Variants in WIPF3 observed in about 807,000 individuals in gnomAD.
The protein encoded by WIPF3 is WAS/WASL interacting protein family member 3, also known as WAS/WASL-interacting protein family member 3.
A neutral mutation model predicts 38.9 loss-of-function variants in WIPF3; 33 were observed. That is an observed-to-expected ratio of 0.85 (90% CI 0.64 to 1.14). The LOEUF is 1.14. WIPF3 is among the 50% of genes most tolerant of loss of function. The probability of loss-of-function intolerance (pLI) is 0.00; values close to 1 mark genes in which losing one functional copy is unlikely to be tolerated. For synonymous variants in WIPF3, 324 were observed against 269.3 expected (o/e 1.20, Z -1.99); for missense variants, 711 against 652.5 (o/e 1.09, Z -0.98).
chr7:29,885,238 T>C (rs553941690), intron 5 of WIPF3, among the ~76,000 whole-genome samples: 1 of 152,348 alleles, frequency 6.6e-6, no homozygotes, highest in Non-Finnish European at 1.5e-5. Flanking sequence ...TGAGCGTTCA[T>C]GCCCCATGGC....
chr7:29,889,483 C>T (rs1785962397), intron 7 of WIPF3, 76 bp downstream of exon 7: 2 of 1,052,960 alleles, frequency 1.9e-6, no homozygotes, highest in East Asian at 4.9e-5. Context: ...ATCAGTTGGT[C>T]ACAGACTGTC....
Position 29,889,351 on chromosome 7 carries a change from C to G in WIPF3, c.1295C>G (p.Pro432Arg), listed in dbSNP as rs944879013. 2 of 1,613,758 alleles carry G rather than the reference C, an allele frequency of 1.2e-6. No individual in the cohort carries two copies. Among genetic ancestry groups the G allele is most frequent in the Non-Finnish European group, 1.7e-6 (2 of 1,179,892 alleles). ...KFTFHSVEDF[P>R]PPDEYKPCQK... The stretch of plus-strand genomic sequence containing the variant: ...ACGTTCCATTCTGTGGAAGACTTTC[C>G]CCCTCCGGATGAATATAAACCATGC... Residue 432 changes from proline to arginine, a missense_variant, in exon 7 of 9, where the codon CCC (proline) becomes CGC (arginine). Coordinates refer to ENST00000242140, the MANE Select transcript of WIPF3 (RefSeq NM_001080529.3).
intron 2 of WIPF3, among the ~76,000 whole-genome samples, chr7:29,836,932 A>C (rs1784813142): frequency 6.6e-6 from 1 of 150,982 alleles, no homozygotes; most frequent in Non-Finnish European, 1.5e-5. Flanking sequence ...CGGAGGTTGC[A>C]GTGAGCCAAC....
intron 1 of WIPF3, among the ~76,000 whole-genome samples, chr7:29,828,958 G>A (rs768084060): frequency 2.6e-5 from 4 of 152,192 alleles, no homozygotes; most frequent in Admixed American, 6.5e-5. Flanking sequence ...CCTCCGTCAT[G>A]GCAGCCTTTT....
intron 2 of WIPF3, among the ~76,000 whole-genome samples, chr7:29,860,274 C>T (rs1329432245): frequency 3.9e-5 from 6 of 152,130 alleles, no homozygotes; most frequent in Admixed American, 3.9e-4. Context: ...ATACTTGTCT[C>T]CCCAAACCTC....
intron 6 of WIPF3, among the ~76,000 whole-genome samples, chr7:29,889,045 T>C (rs985261096): frequency 2.0e-5 from 3 of 152,314 alleles, no homozygotes; most frequent in African/African-American, 7.2e-5. Flanking sequence ...TACGGTGTTA[T>C]TGGTTGAAGT....
intron 2 of WIPF3, among the ~76,000 whole-genome samples, chr7:29,871,752 G>T (rs1438654806): frequency 1.3e-5 from 2 of 152,140 alleles, no homozygotes; most frequent in African/African-American, 4.8e-5. Context: ...TGAGAGAAAA[G>T]GCCCCTCCGT....
chr7:29,815,238 GA>G (rs879305507), intron 1 of WIPF3, among the ~76,000 whole-genome samples: 2 of 149,102 alleles, frequency 1.3e-5, no homozygotes, highest in Admixed American at 6.7e-5. Flanking sequence ...GAGACAAAAG[GA>G]AAAAAAAACA....
chr7:29,904,205 A>G, intron 7 of WIPF3, 81 bp from the exon 8 acceptor site: 1 of 1,401,672 alleles, frequency 7.1e-7, no homozygotes, highest in South Asian at 1.2e-5. Flanking sequence ...TTAAGTGCTG[A>G]TTTAGAGAAA....
intron 1 of WIPF3, among the ~76,000 whole-genome samples, chr7:29,832,413 A>G (rs1355083046): frequency 6.6e-6 from 1 of 152,248 alleles, no homozygotes; most frequent in Admixed American, 6.5e-5. Context: ...TTAGTGCACC[A>G]TTAGTTTAGT....
intron 2 of WIPF3, among the ~76,000 whole-genome samples, chr7:29,871,396 G>A (rs942874645): frequency 1.3e-5 from 2 of 152,166 alleles, no homozygotes; most frequent in Admixed American, 6.5e-5. Flanking sequence ...CTGGAAACCT[G>A]TGCACTAATT....
chr7:29,885,375 A>G (rs1785854606), intron 5 of WIPF3, among the ~76,000 whole-genome samples: 1 of 152,168 alleles, frequency 6.6e-6, no homozygotes, highest in African/African-American at 2.4e-5. Context: ...ACATATGCAC[A>G]CTCATAACAC....
chr7:29,810,873 C>A lies in WIPF3; in HGVS notation c.-58+4195C>A, dbSNP rs139407462. Among the ~76,000 whole-genome samples, 786 of 152,132 alleles carry A rather than the reference C, an allele frequency of 5.2e-3. 5 individuals carry two copies. Among genetic ancestry groups the A allele is most frequent in the East Asian group, 0.017 (89 of 5,180 alleles). ...AATAGTATTTATCTCATGTTTAAGG[C>A]TAATAAGATAGATTTATTCTGTTTT... On this transcript the variant is annotated intron_variant, in intron 1 of 8. Transcript: ENST00000242140.
chr7:29,840,831 A>G (rs1051823989), intron 2 of WIPF3, among the ~76,000 whole-genome samples: 1 of 152,082 alleles, frequency 6.6e-6, no homozygotes, highest in South Asian at 2.1e-4. Flanking sequence ...AAAAAGAAAC[A>G]TCAGGGCTAA....
At chr7:29,830,176 T>G (rs1297752947) in intron 1 of WIPF3, among the ~76,000 whole-genome samples, 2 of 151,692 alleles carry the variant, frequency 1.3e-5, no homozygotes, top group Non-Finnish European at 2.9e-5. Context: ...TGAAAAATCC[T>G]TGCCTGTGAC....
At chr7:29,902,268 C>CTTTTT (rs1267369053) in intron 7 of WIPF3, among the ~76,000 whole-genome samples, 78 of 117,328 alleles carry the variant, frequency 6.6e-4, no homozygotes, top group Non-Finnish European at 9.6e-4. Context: ...TCTTCTTCTT[C>CTTTTT]TTCTTCTTTT....
At chr7:29,874,993 A>G (rs1225924237) in intron 2 of WIPF3, among the ~76,000 whole-genome samples, 1 of 152,162 alleles carries the variant, frequency 6.6e-6, no homozygotes, top group Non-Finnish European at 1.5e-5. Flanking sequence ...GTAGCCTCAA[A>G]CAGACGATTT....
chr7:29,832,831 C>T (rs142844000), intron 1 of WIPF3, among the ~76,000 whole-genome samples: 16 of 152,222 alleles, frequency 1.1e-4, no homozygotes, highest in African/African-American at 3.1e-4. Flanking sequence ...CTTGCATATA[C>T]GCTGAAAAGA....
intron 8 of WIPF3, among the ~76,000 whole-genome samples, chr7:29,910,980 C>T (rs951039093): frequency 6.6e-6 from 1 of 151,936 alleles, no homozygotes; most frequent in African/African-American, 2.4e-5. Context: ...GTAAAATTAT[C>T]TCTGTTTGCA....
Sources: gnomAD v4.1 joint callset for allele counts (sites outside exome capture counted in the v4.1 genomes callset) on GRCh38, gnomAD v4.1.1 for gene constraint, MANE v1.5 for transcripts, NCBI Gene and HGNC (gene_info 2026-07-23, HGNC 2026-07-21) for gene names.